The following TMEM108 variants were observed in gnomAD, a reference collection of about 807,000 sequenced individuals.
The protein encoded by TMEM108 is transmembrane protein 108.
A neutral mutation model predicts 35.1 loss-of-function variants in TMEM108; 12 were observed. That is an observed-to-expected ratio of 0.34 (90% CI 0.22 to 0.55). The LOEUF is 0.55. Among genes scored for constraint, TMEM108 ranks in the 20% least tolerant of loss-of-function variants. TMEM108 has a pLI of 0.89. For synonymous variants in TMEM108, 287 were observed against 308.6 expected (o/e 0.93, Z 0.73); for missense variants, 680 against 753.3 (o/e 0.90, Z 1.14).
chr3:133,048,203 T>G (rs1943362392), intron 2 of TMEM108, among the ~76,000 whole-genome samples: 1 of 152,180 alleles, frequency 6.6e-6, no homozygotes, highest in Non-Finnish European at 1.5e-5. Context: ...GACTCATGTA[T>G]AATTAGACCA....
chr3:133,342,542 TGG>T (rs1559913826), intron 3 of TMEM108, among the ~76,000 whole-genome samples: 501 of 4,490 alleles, frequency 0.11, 25 homozygotes, highest in African/African-American at 0.15. Context: ...AAAGAAAATG[TGG>T]TATATATATA....
chr3:133,119,560 A>C (rs1464229736), intron 2 of TMEM108: 2 of 152,226 alleles, frequency 1.3e-5, no homozygotes, highest in Non-Finnish European at 2.9e-5. Context: ...CCCACAGAGC[A>C]AATGAATAGT....
chr3:133,304,952 G>A (rs535942629), intron 3 of TMEM108, among the ~76,000 whole-genome samples: 14 of 152,028 alleles, frequency 9.2e-5, no homozygotes, highest in South Asian at 8.3e-4. Context: ...ATGTGATGGC[G>A]CACACCTGTA....
intron 4 of TMEM108, chr3:133,388,165 A>C: frequency 1.0e-6 from 1 of 985,508 alleles, no homozygotes. Context: ...CCCACTTCCC[A>C]GATGGTTCCC....
intron 2 of TMEM108, among the ~76,000 whole-genome samples, chr3:133,086,822 T>C (rs1943888955): frequency 6.6e-6 from 1 of 152,208 alleles, no homozygotes; most frequent in Non-Finnish European, 1.5e-5. Context: ...AGTTTGGGCA[T>C]TACATGGATG....
At chr3:133,320,874 C>T (rs937580608) in intron 3 of TMEM108, among the ~76,000 whole-genome samples, 10 of 152,132 alleles carry the variant, frequency 6.6e-5, no homozygotes, top group Non-Finnish European at 1.5e-4. Context: ...TTAACCTCCT[C>T]AAACAAAATA....
At chr3:133,345,748 AT>A (rs1207834334) in intron 3 of TMEM108, among the ~76,000 whole-genome samples, 3 of 151,976 alleles carry the variant, frequency 2.0e-5, no homozygotes, top group Non-Finnish European at 4.4e-5. Context: ...CTGAAAGGCA[AT>A]ATTGCTTGAA....
At chr3:133,126,958 G>A (rs952038296) in intron 2 of TMEM108, among the ~76,000 whole-genome samples, 1 of 152,060 alleles carries the variant, frequency 6.6e-6, no homozygotes, top group African/African-American at 2.4e-5. Flanking sequence ...TGCATATGTA[G>A]AACCCATGGA....
At chr3:133,081,704 G>GAC (rs921354158) in intron 2 of TMEM108, among the ~76,000 whole-genome samples, 1 of 152,152 alleles carries the variant, frequency 6.6e-6, no homozygotes, top group African/African-American at 2.4e-5. Context: ...CCAGGAAGCA[G>GAC]ACACCAACAT....
At chr3:133,150,134 A>G (rs1010740464) in intron 2 of TMEM108, among the ~76,000 whole-genome samples, 7 of 152,028 alleles carry the variant, frequency 4.6e-5, no homozygotes, top group Non-Finnish European at 1.5e-5. Flanking sequence ...TTTTCTCTAC[A>G]CCTTCACCAT....
At chr3:133,062,948 G>A (rs570137562) in intron 2 of TMEM108, among the ~76,000 whole-genome samples, 32 of 152,304 alleles carry the variant, frequency 2.1e-4, no homozygotes, top group African/African-American at 7.2e-4. Flanking sequence ...GGAAGGGAGT[G>A]GTTATGACAA....
intron 2 of TMEM108, among the ~76,000 whole-genome samples, chr3:133,141,768 A>G (rs1431918189): frequency 6.6e-6 from 1 of 152,216 alleles, no homozygotes; most frequent in Non-Finnish European, 1.5e-5. Flanking sequence ...GGTTATCATT[A>G]TTGCTATTAA....
intron 2 of TMEM108, among the ~76,000 whole-genome samples, chr3:133,150,756 T>C (rs138619327): frequency 2.6e-5 from 4 of 152,226 alleles, no homozygotes; most frequent in Non-Finnish European, 4.4e-5. Flanking sequence ...AGAGACATGA[T>C]GAGAGAAGTA....
At chr3:133,127,151 G>T (rs1944427788) in intron 2 of TMEM108, among the ~76,000 whole-genome samples, 1 of 152,152 alleles carries the variant, frequency 6.6e-6, no homozygotes, top group Non-Finnish European at 1.5e-5. Flanking sequence ...AAAACTTACA[G>T]TAGAAAAAGT....
intron 2 of TMEM108, among the ~76,000 whole-genome samples, chr3:133,219,628 A>C (rs1209224504): frequency 6.6e-6 from 1 of 152,002 alleles, no homozygotes; most frequent in African/African-American, 2.4e-5. Context: ...TTTAATTTCT[A>C]AGTGTTTGTG....
rs1400494590 is a variant in TMEM108 at position 133,380,857 on chromosome 3, C to T, written c.1146C>T (p.Thr382=). Residue 382 remains threonine (T), a synonymous_variant, in exon 4 of 6, where the codon ACC becomes ACT. Coordinates refer to ENST00000321871, the MANE Select transcript of TMEM108 (RefSeq NM_023943.4). The surrounding 1 kb of genome is among the most constrained non-coding windows in gnomAD (Gnocchi z 5.3). ...GGATTCCTCAGGGAGCATCCACAACCCCACAAGCTCCAACCCATCCCTCCA... is the reference window on the plus strand; with the variant it reads ...GGATTCCTCAGGGAGCATCCACAACTCCACAAGCTCCAACCCATCCCTCCA... The part of the protein sequence containing the change: ...SQGIPQGAST[T]PQAPTHPSRV... The T allele has an allele frequency of 6.2e-7, 1 of 1,614,026 alleles. No individual in the cohort carries two copies. Among genetic ancestry groups the T allele is most frequent in the Admixed American group, 1.7e-5 (1 of 60,010 alleles).
chr3:133,197,562 A>G (rs961222167), intron 2 of TMEM108, among the ~76,000 whole-genome samples: 11 of 152,180 alleles, frequency 7.2e-5, no homozygotes, highest in African/African-American at 2.7e-4. Flanking sequence ...CCCCAGGGAT[A>G]TTAACTCCCT....
At chr3:133,202,033 C>G (rs1421837541) in intron 2 of TMEM108, among the ~76,000 whole-genome samples, 1 of 152,184 alleles carries the variant, frequency 6.6e-6, no homozygotes, top group Non-Finnish European at 1.5e-5. Flanking sequence ...TTTTGATTTG[C>G]ATTTCTCAAA....
At chr3:133,354,043 C>G (rs2072087641) in intron 3 of TMEM108, among the ~76,000 whole-genome samples, 1 of 152,216 alleles carries the variant, frequency 6.6e-6, no homozygotes, top group African/African-American at 2.4e-5. Flanking sequence ...TCACAGGTGG[C>G]TCTTGCTTCT....
Sources: allele counts gnomAD v4.1 joint callset (sites outside exome capture counted in the v4.1 genomes callset), GRCh38; gene constraint gnomAD v4.1.1; non-coding constraint Gnocchi (gnomAD v3.1); transcripts MANE v1.5; gene names NCBI Gene and HGNC (gene_info 2026-07-23, HGNC 2026-07-21).